RASSF8: variants seen among roughly 807,000 people sequenced by gnomAD.
The protein encoded by RASSF8 is ras association domain-containing protein 8.
RASSF8 carries 22 observed loss-of-function variants against 48.5 expected under a neutral mutation model. The observed-to-expected ratio is 0.45, with a 90% confidence interval of 0.32 to 0.65. RASSF8 has a LOEUF of 0.65. Ranked by LOEUF, RASSF8 falls within the 30% of genes least tolerant of loss-of-function variation. The probability of loss-of-function intolerance (pLI) is 0.03; values close to 1 mark genes in which losing one functional copy is unlikely to be tolerated. For synonymous variants in RASSF8, 127 were observed against 171.5 expected, an observed-to-expected ratio of 0.74 and a Z score of 2.03; for missense variants, 418 against 489.2, an observed-to-expected ratio of 0.85 and a Z score of 1.37.
At position 26,070,534 on chromosome 12, in the gene RASSF8, T is replaced by C. The variant is rs1565651446; in HGVS notation, c.*1716T>C. On this transcript the variant is annotated 3_prime_UTR_variant, in exon 6 of 6. Transcript: ENST00000689635. ...CTTTGCAAATAACTGAAGTAAATGATTCTTACCTAAATAACCACAACCTGT... is the reference window on the plus strand; with the variant it reads ...CTTTGCAAATAACTGAAGTAAATGACTCTTACCTAAATAACCACAACCTGT... 2.0e-6 allele frequency: 2 copies of C among 983,148 alleles called. No individual in the cohort carries two copies. The highest frequency in any genetic ancestry group is 2.4e-6 in the Non-Finnish European group (2 of 827,982). 60.9% of individuals were successfully genotyped at this position (983,148 alleles called of 1,614,324 possible).
chr12:26,048,869 T>G (rs981155348), intron 2 of RASSF8, among the ~76,000 whole-genome samples: 4 of 152,322 alleles, frequency 2.6e-5, no homozygotes, highest in Admixed American at 2.0e-4. Flanking sequence ...TTCTCCTGCC[T>G]CAGCCTCCCT....
downstream of RASSF8, among the ~76,000 whole-genome samples, chr12:26,073,608 G>A (rs1178974438): frequency 4.0e-5 from 6 of 151,830 alleles, no homozygotes; most frequent in African/African-American, 1.5e-4. Context: ...GCGTGGTGGC[G>A]GGCACCTGTA....
chr12:25,997,261 C>A (rs541880593), intron 2 of RASSF8, among the ~76,000 whole-genome samples: 1 of 152,298 alleles, frequency 6.6e-6, no homozygotes, highest in East Asian at 1.9e-4. Context: ...CTCATCCCCC[C>A]TTTCTAGTAC....
chr12:25,976,228 C>T (rs967981828), intron 1 of RASSF8, among the ~76,000 whole-genome samples: 6 of 152,140 alleles, frequency 3.9e-5, no homozygotes, highest in Admixed American at 3.3e-4. Flanking sequence ...TGTAACCCTC[C>T]GCTTAAGGAA....
rs190077881 is a variant in RASSF8 at position 25,993,842 on chromosome 12, A to C, written c.-202-1195A>C. ...ACCTATGTATTTTTATTAGAAAAAA[A>C]AAATAATGTGACTGCTACTTTCTTT... On this transcript the variant is annotated intron_variant, in intron 1 of 5. Coordinates refer to ENST00000689635, the MANE Select transcript of RASSF8 (RefSeq NM_001394098.1). 1.2e-4 allele frequency among the ~76,000 whole-genome samples: 18 copies of C among 152,362 alleles called. No individual in the cohort carries two copies. The East Asian group carries it at 3.1e-3, about 26-fold the overall frequency.
intron 2 of RASSF8, among the ~76,000 whole-genome samples, chr12:26,046,021 C>A (rs559755620): frequency 1.3e-5 from 2 of 152,082 alleles, no homozygotes; most frequent in Non-Finnish European, 2.9e-5. Context: ...TAGATTTGGG[C>A]GATCAGATAA....
chr12:26,017,262 A>G (rs1050868053), intron 2 of RASSF8, among the ~76,000 whole-genome samples: 1 of 152,228 alleles, frequency 6.6e-6, no homozygotes, highest in Admixed American at 6.5e-5. Context: ...GGAATTGGAT[A>G]TCAATCTTTG....
intron 1 of RASSF8, among the ~76,000 whole-genome samples, chr12:25,966,859 C>G (rs1246724554): frequency 6.6e-6 from 1 of 152,108 alleles, no homozygotes; most frequent in African/African-American, 2.4e-5. Context: ...TTTGCCTAGC[C>G]TAAGGTCATA....
chr12:25,990,327 T>C (rs1941985965), intron 1 of RASSF8, among the ~76,000 whole-genome samples: 1 of 152,228 alleles, frequency 6.6e-6, no homozygotes, highest in Non-Finnish European at 1.5e-5. Flanking sequence ...TTATCAAACA[T>C]TTATTTGATA....
At chr12:25,980,530 G>A (rs1342824178) in intron 1 of RASSF8, among the ~76,000 whole-genome samples, 1 of 152,048 alleles carries the variant, frequency 6.6e-6, no homozygotes, top group Non-Finnish European at 1.5e-5. Flanking sequence ...AGATTTTTGG[G>A]GATGATTTCC....
chr12:26,070,669 C>T lies in RASSF8; in HGVS notation c.*1851C>T, dbSNP rs555473866. ...TGTGACAGTAATGATTTACATATGC[C>T]CAATATATGCCTTATTTTTAAATAA... is the stretch of plus-strand genomic sequence containing the variant. On this transcript the variant is annotated 3_prime_UTR_variant, in exon 6 of 6. Transcript: ENST00000689635. The T allele has an allele frequency of 2.1e-6, 2 of 944,048 alleles. No homozygotes were observed. The highest frequency in any genetic ancestry group is 1.8e-5 in the African/African-American group (1 of 56,166). 58.5% of individuals were successfully genotyped at this position (944,048 alleles called of 1,614,324 possible).
chr12:25,977,256 C>T (rs573211372), intron 1 of RASSF8, among the ~76,000 whole-genome samples: 6 of 152,138 alleles, frequency 3.9e-5, no homozygotes, highest in African/African-American at 1.2e-4. Flanking sequence ...ACGCCAGCCA[C>T]GTCGTTATGG....
chr12:26,038,813 T>G (rs768151649), intron 2 of RASSF8, among the ~76,000 whole-genome samples: 13 of 152,208 alleles, frequency 8.5e-5, no homozygotes, highest in Non-Finnish European at 1.5e-4. Flanking sequence ...ATTGCCCTGA[T>G]AAATTACTCC....
chr12:26,055,084 G>A (rs11048394), intron 2 of RASSF8, among the ~76,000 whole-genome samples, 152 bp from the exon 3 acceptor site: 10,228 of 152,248 alleles, frequency 0.067, 471 homozygotes, highest in Non-Finnish European at 0.098. Flanking sequence ...GACTGTAGTT[G>A]CATTTGTGTT....
chr12:26,021,370 A>G (rs1048750693), intron 2 of RASSF8: 21 of 152,210 alleles, frequency 1.4e-4, no homozygotes, highest in African/African-American at 4.6e-4. Flanking sequence ...TTGCCATTGC[A>G]ACAGTATTAA....
downstream of RASSF8, among the ~76,000 whole-genome samples, chr12:26,075,049 G>A (rs1489773255): frequency 6.6e-6 from 1 of 152,210 alleles, no homozygotes; most frequent in East Asian, 1.9e-4. Context: ...CTACTTAAGA[G>A]GCCTGTAGGA....
At chr12:26,027,873 A>G (rs1942948847) in intron 2 of RASSF8, among the ~76,000 whole-genome samples, 1 of 152,166 alleles carries the variant, frequency 6.6e-6, no homozygotes. Context: ...AGCCCAGAAG[A>G]TGACAGAGGG....
In RASSF8 at chr12:26,068,921, G is replaced by A. The variant is rs978880481; in HGVS notation, c.*103G>A. 19 of 1,469,584 alleles carry A rather than the reference G, an allele frequency of 1.3e-5. No homozygotes were observed. In the East Asian group the frequency reaches 3.0e-4, roughly 23 times the overall value. 91.0% of individuals were successfully genotyped at this position (1,469,584 alleles called of 1,614,324 possible). ...GAACAGAGGATCTATTCCACAAGAC[G>A]CTGTATGTTTTTTCTCTCCTAAATT... On this transcript the variant is annotated 3_prime_UTR_variant, in exon 6 of 6. Transcript: ENST00000689635.
chr12:26,030,007 A>G (rs920059622), intron 2 of RASSF8, among the ~76,000 whole-genome samples: 1 of 152,196 alleles, frequency 6.6e-6, no homozygotes, highest in African/African-American at 2.4e-5. Context: ...AAAAGAGTTT[A>G]GGGCAACTAA....
Sources: gnomAD v4.1 joint callset for allele counts (sites outside exome capture counted in the v4.1 genomes callset) on GRCh38, gnomAD v4.1.1 for gene constraint, MANE v1.5 for transcripts, NCBI Gene and HGNC (gene_info 2026-07-23, HGNC 2026-07-21) for gene names.